The following COBL variants were observed in gnomAD, a reference collection of about 807,000 sequenced individuals.
COBL encodes protein cordon-bleu.
In COBL, 51 loss-of-function variants were observed where a neutral mutation model predicts 98.8. The ratio of observed to expected loss-of-function variants is 0.52; its 90% CI spans 0.41 to 0.65. The LOEUF (loss-of-function observed/expected upper bound fraction) is 0.65. COBL is among the 30% of genes least tolerant of loss of function. The probability of loss-of-function intolerance (pLI) is 0.00; values close to 1 mark genes in which losing one functional copy is unlikely to be tolerated. For missense variants in COBL, 1,617 were observed against 1,617.5 expected, an observed-to-expected ratio of 1.00 and a Z score of 0.01; for synonymous variants, 634 against 651.7, an observed-to-expected ratio of 0.97 and a Z score of 0.41.
At chr7:51,175,497 G>C (rs1333482475) in intron 5 of COBL, among the ~76,000 whole-genome samples, 1 of 152,210 alleles carries the variant, frequency 6.6e-6, no homozygotes, top group Non-Finnish European at 1.5e-5. Flanking sequence ...AACATGCATT[G>C]TATTAGCTAA....
At chr7:51,116,892 A>G (rs1017112633) in intron 6 of COBL, among the ~76,000 whole-genome samples, 2 of 151,992 alleles carry the variant, frequency 1.3e-5, no homozygotes, top group Admixed American at 1.3e-4. Flanking sequence ...TGTTACCCAG[A>G]TTCTACTGTT....
intron 7 of COBL, among the ~76,000 whole-genome samples, chr7:51,045,074 G>T (rs7778202): frequency 0.92 from 139,851 of 152,326 alleles, 64,371 homozygotes; most frequent in Middle Eastern, 0.96. Flanking sequence ...CCAGCTTTTG[G>T]GGCTAGACTC....
intron 1 of COBL, among the ~76,000 whole-genome samples, chr7:51,239,866 C>G (rs377575557): frequency 2.6e-5 from 4 of 152,144 alleles, no homozygotes; most frequent in African/African-American, 9.7e-5. Flanking sequence ...GGATCAGCAA[C>G]ATTTTCCATA....
Position 51,098,723 on chromosome 7 carries a change from A to G in COBL, c.958-13419T>C, listed in dbSNP as rs924066692. Reference sequence around the variant, plus strand: ...GCAATGGTTTCTTAGATATGGCACCAAAAGTACAGACAACAAAAGCAAAAA... The same window carrying G: ...GCAATGGTTTCTTAGATATGGCACCGAAAGTACAGACAACAAAAGCAAAAA... On this transcript the variant is annotated intron_variant, in intron 6 of 12. Coordinates refer to ENST00000265136, the MANE Select transcript of COBL (RefSeq NM_015198.5). 3.9e-5 allele frequency among the ~76,000 whole-genome samples: 6 copies of G among 152,344 alleles called. No homozygotes were observed. The South Asian group carries it at 1.0e-3, about 26-fold the overall frequency.
chr7:51,195,415 T>C (rs1790501967), intron 2 of COBL, among the ~76,000 whole-genome samples: 1 of 152,224 alleles, frequency 6.6e-6, no homozygotes, highest in African/African-American at 2.4e-5. Context: ...TTGGTTACTG[T>C]AGCCCTATAG....
intron 6 of COBL, among the ~76,000 whole-genome samples, chr7:51,120,929 C>CTG (rs1271948031): frequency 6.6e-6 from 1 of 152,086 alleles, no homozygotes; most frequent in African/African-American, 2.4e-5. Context: ...CGATGGACAC[C>CTG]TGTGTTACCT....
chr7:51,161,100 GAACACATTTTCCTGTTCTCAACTGATGAA>G (rs1306583310), intron 5 of COBL, among the ~76,000 whole-genome samples: 1 of 152,060 alleles, frequency 6.6e-6, no homozygotes, highest in Admixed American at 6.5e-5. Context: ...TCAGCCCTCG[GAACACATTTTCCTGTTCTCAACTGATGAA>G]CACTCCAAAA....
At chr7:51,170,294 G>A (rs944551511) in intron 5 of COBL, among the ~76,000 whole-genome samples, 22 of 151,558 alleles carry the variant, frequency 1.5e-4, no homozygotes, top group Non-Finnish European at 2.5e-4. Flanking sequence ...ACCATGCTTC[G>A]ATATACAATT....
At chr7:51,087,961 C>T (rs1794442452) in intron 6 of COBL, among the ~76,000 whole-genome samples, 1 of 151,876 alleles carries the variant, frequency 6.6e-6, no homozygotes, top group Admixed American at 6.6e-5. Context: ...AAGAATTGTC[C>T]CTCAAAATGC....
At chr7:51,289,871 T>G (rs758701694) in intron 1 of COBL, among the ~76,000 whole-genome samples, 26 of 152,230 alleles carry the variant, frequency 1.7e-4, no homozygotes, top group Admixed American at 6.5e-5. Flanking sequence ...ACCGAACTGA[T>G]GTTCAATTGC....
chr7:51,207,533 G>C (rs1408829950), intron 2 of COBL, among the ~76,000 whole-genome samples: 2 of 152,130 alleles, frequency 1.3e-5, no homozygotes, highest in East Asian at 3.9e-4. Context: ...CTCCCTGCCT[G>C]ATTCTCCTGC....
chr7:51,062,268 T>TCTCC (rs1791455453), intron 7 of COBL, among the ~76,000 whole-genome samples: 1 of 66,466 alleles, frequency 1.5e-5, no homozygotes, highest in South Asian at 5.4e-4. Context: ...ACAGTTCATG[T>TCTCC]CTCTCTCTCT....
intron 1 of COBL, among the ~76,000 whole-genome samples, chr7:51,271,752 G>A (rs539433738): frequency 1.8e-4 from 28 of 152,288 alleles, no homozygotes; most frequent in South Asian, 1.0e-3. Context: ...GAAACCAGTC[G>A]GACACAGTGG....
At chr7:51,185,366 G>A (rs1488650522) in intron 4 of COBL, among the ~76,000 whole-genome samples, 1 of 152,182 alleles carries the variant, frequency 6.6e-6, no homozygotes, top group Non-Finnish European at 1.5e-5. Context: ...AACACGCTTG[G>A]GAGTGGTGCT....
chr7:51,158,380 C>T (rs1183477982), intron 5 of COBL, among the ~76,000 whole-genome samples: 1 of 152,118 alleles, frequency 6.6e-6, no homozygotes, highest in African/African-American at 2.4e-5. Flanking sequence ...AGGGCAGGGT[C>T]GGGGAGGAGC....
chr7:51,201,815 G>GAAA, intron 2 of COBL, among the ~76,000 whole-genome samples: 1 of 150,062 alleles, frequency 6.7e-6, no homozygotes, highest in African/African-American at 2.4e-5. Context: ...TTCTAAGAAT[G>GAAA]AAAAAAAAAT....
chr7:51,087,561 C>T (rs998809306), intron 6 of COBL, among the ~76,000 whole-genome samples: 3 of 151,810 alleles, frequency 2.0e-5, no homozygotes, highest in Admixed American at 6.6e-5. Flanking sequence ...TGCAGTGGCG[C>T]GATCTCGGGT....
At chr7:51,286,842 A>G (rs1215518371) in intron 1 of COBL, among the ~76,000 whole-genome samples, 1 of 152,212 alleles carries the variant, frequency 6.6e-6, no homozygotes, top group Non-Finnish European at 1.5e-5. Flanking sequence ...ACAATAGGAA[A>G]GACATGGAAT....
intron 1 of COBL, among the ~76,000 whole-genome samples, chr7:51,285,754 T>C (rs1458967694): frequency 6.6e-6 from 1 of 152,182 alleles, no homozygotes; most frequent in African/African-American, 2.4e-5. Flanking sequence ...TGAAAATTTA[T>C]ATGGAAAGGC....
Sources: gnomAD v4.1 joint callset for allele counts (sites outside exome capture counted in the v4.1 genomes callset) on GRCh38, gnomAD v4.1.1 for gene constraint, MANE v1.5 for transcripts, NCBI Gene and HGNC (gene_info 2026-07-23, HGNC 2026-07-21) for gene names.